The following PDXDC1 variants were observed in gnomAD, a reference collection of about 807,000 sequenced individuals.
The protein encoded by PDXDC1 is pyridoxal-dependent decarboxylase domain-containing protein 1.
PDXDC1 carries 42 observed loss-of-function variants against 100.1 expected under a neutral mutation model. The ratio of observed to expected loss-of-function variants is 0.42; its 90% CI spans 0.33 to 0.54. PDXDC1 has a LOEUF of 0.54. Among genes scored for constraint, PDXDC1 ranks in the 20% least tolerant of loss-of-function variants. The pLI, the probability that PDXDC1 is intolerant of heterozygous loss-of-function variation, is 0.10. For synonymous variants in PDXDC1, 260 were observed against 371.7 expected, an observed-to-expected ratio of 0.70 and a Z score of 3.46; for missense variants, 636 against 979.2, an observed-to-expected ratio of 0.65 and a Z score of 4.68.
At chr16:15,108,654 A>AC (rs2046903131) in intron 16 of PDXDC1, 2 of 28,932 alleles carry the variant, frequency 6.9e-5, no homozygotes, top group Admixed American at 7.7e-4. Context: ...AATGGGGGAC[A>AC]CCAAACAGAA....
chr16:14,986,845 C>G (rs57086298), intron 1 of PDXDC1, among the ~76,000 whole-genome samples: 4 of 152,088 alleles, frequency 2.6e-5, no homozygotes, highest in Admixed American at 6.6e-5. Context: ...CTCCCAGGTT[C>G]GAGTGATTCT....
At chr16:15,089,814 G>C (rs1450200118) in intron 16 of PDXDC1, among the ~76,000 whole-genome samples, 2 of 115,326 alleles carry the variant, frequency 1.7e-5, no homozygotes, top group Non-Finnish European at 3.6e-5. Context: ...AAAAAAAACA[G>C]ATTAAAGGAT....
At chr16:15,012,064 T>C (rs1307291938) in intron 8 of PDXDC1, among the ~76,000 whole-genome samples, 37 of 152,400 alleles carry the variant, frequency 2.4e-4, no homozygotes, top group Admixed American at 1.2e-3. Context: ...ATCTAAAATA[T>C]ATAAAGAACT....
intron 16 of PDXDC1, chr16:15,084,735 A>C: frequency 6.4e-7 from 1 of 1,552,980 alleles, no homozygotes; most frequent in Non-Finnish European, 8.9e-7. Context: ...GAGTATGAGC[A>C]TCAAAACAAA....
At chr16:15,076,179 G>A (rs1190392839) in intron 16 of PDXDC1, among the ~76,000 whole-genome samples, 1 of 152,054 alleles carries the variant, frequency 6.6e-6, no homozygotes, top group Non-Finnish European at 1.5e-5. Flanking sequence ...TCCTTCCACT[G>A]AACCCAACTT....
chr16:15,093,603 C>T (rs2046228945), intron 16 of PDXDC1, among the ~76,000 whole-genome samples: 2 of 152,150 alleles, frequency 1.3e-5, no homozygotes, highest in African/African-American at 4.8e-5. Flanking sequence ...AGGTTTGCTT[C>T]ACTTACACGT....
intron 16 of PDXDC1, chr16:15,086,192 C>G (rs1340936478): frequency 6.3e-7 from 1 of 1,591,394 alleles, no homozygotes; most frequent in South Asian, 1.1e-5. Context: ...TGTGCTGATA[C>G]AAGATTACCA....
At chr16:14,991,264 G>GAT (rs1491255209) in intron 1 of PDXDC1, among the ~76,000 whole-genome samples, 1 of 140,460 alleles carries the variant, frequency 7.1e-6, no homozygotes, top group African/African-American at 2.6e-5. Flanking sequence ...TATGTATATA[G>GAT]ATATGTGTGT....
At chr16:15,062,586 G>A (rs1182557021) in intron 16 of PDXDC1, among the ~76,000 whole-genome samples, 1 of 152,172 alleles carries the variant, frequency 6.6e-6, no homozygotes, top group East Asian at 1.9e-4. Context: ...GTTGCAACCT[G>A]CGTCTTCACC....
rs533029581 is a variant in PDXDC1, at chr16:15,093,909, C to A, written c.1400-44970C>A. On this transcript the variant is annotated intron_variant, in intron 16 of 16. Transcript: ENST00000535621. Reference sequence around the variant, plus strand: ...CCAGGCCTGGGAAATCACGAAGAGACACAGTCGGGAAAGGGGGCCTCCAGA... The same window carrying A: ...CCAGGCCTGGGAAATCACGAAGAGAAACAGTCGGGAAAGGGGGCCTCCAGA... 600 of 536,984 alleles carry A rather than the reference C, an allele frequency of 1.1e-3. 2 individuals carry two copies. Among genetic ancestry groups the A allele is most frequent in the Non-Finnish European group, 1.6e-3 (495 of 308,318 alleles). 33.3% of individuals were successfully genotyped at this position (536,984 alleles called of 1,614,324 possible). A position where few individuals can be genotyped will look rare whatever the true frequency, so the allele number is the denominator to read the frequency against.
At chr16:15,093,221 C>A (rs1481088670) in intron 16 of PDXDC1, among the ~76,000 whole-genome samples, 1 of 152,188 alleles carries the variant, frequency 6.6e-6, no homozygotes, top group African/African-American at 2.4e-5. Flanking sequence ...CCAGGCTGGT[C>A]TCCAACTCCT....
intron 16 of PDXDC1, among the ~76,000 whole-genome samples, chr16:15,129,419 A>G (rs551670578): frequency 6.6e-6 from 1 of 152,272 alleles, no homozygotes; most frequent in Non-Finnish European, 1.5e-5. Flanking sequence ...AGCCTGGGCA[A>G]CAGAGCGAGA....
rs2048213553 is a variant in PDXDC1, at chr16:15,133,657, C to T, written c.1400-5222C>T. ...GGCCCTGGCGACAGCGCTGCAGCAG[C>T]AGGGCGTACACCAGCGGGGCGCCAG... On this transcript the variant is annotated intron_variant, in intron 16 of 16. Coordinates refer to the PDXDC1 transcript ENST00000535621. 2.6e-5 allele frequency: 39 copies of T among 1,500,622 alleles called. 2 individuals are homozygous for T. In the South Asian group the frequency reaches 4.4e-4, roughly 17 times the overall value. The allele number at this position is 1,500,622 out of a possible 1,614,324, so 93.0% of individuals were successfully genotyped here. A position where few individuals can be genotyped will look rare whatever the true frequency, so the allele number is the denominator to read the frequency against.
chr16:15,117,612 G>T (rs1366170193), intron 16 of PDXDC1, among the ~76,000 whole-genome samples: 4 of 147,070 alleles, frequency 2.7e-5, no homozygotes, highest in African/African-American at 1.0e-4. Flanking sequence ...GGAATCACTT[G>T]AAGCCAGGAG....
At chr16:15,127,500 G>A (rs1207102517) in intron 16 of PDXDC1, 2 of 1,559,700 alleles carry the variant, frequency 1.3e-6, no homozygotes, top group South Asian at 1.1e-5. Context: ...AGAGAAAGAG[G>A]ATGGCCAGGT....
At chr16:15,116,539 T>C (rs1281961507) in intron 16 of PDXDC1, among the ~76,000 whole-genome samples, 491 of 109,166 alleles carry the variant, frequency 4.5e-3, no homozygotes, top group Admixed American at 7.6e-3. Context: ...GCATGAATAG[T>C]GTGGGATTTC....
chr16:14,996,634 A>G (rs1264592448), intron 1 of PDXDC1, among the ~76,000 whole-genome samples: 3 of 152,280 alleles, frequency 2.0e-5, no homozygotes, highest in African/African-American at 7.2e-5. Context: ...GCAGAAGGAT[A>G]ACTTGAGCTC....
intron 16 of PDXDC1, among the ~76,000 whole-genome samples, chr16:15,101,480 C>A (rs975739104): frequency 3.9e-5 from 6 of 152,136 alleles, no homozygotes; most frequent in African/African-American, 1.2e-4. Flanking sequence ...CCATGCCCAG[C>A]TGTTTTTTGT....
intron 1 of PDXDC1, among the ~76,000 whole-genome samples, chr16:14,981,026 T>C (rs1481314801): frequency 1.3e-5 from 2 of 152,268 alleles, no homozygotes; most frequent in Admixed American, 6.5e-5. Flanking sequence ...GGGAGTATAC[T>C]TTTTTTTGGA....
Sources: gnomAD v4.1 joint callset for allele counts (sites outside exome capture counted in the v4.1 genomes callset) on GRCh38, gnomAD v4.1.1 for gene constraint, MANE v1.5 for transcripts, NCBI Gene and HGNC (gene_info 2026-07-23, HGNC 2026-07-21) for gene names.